The following PHLPP1 variants were observed in gnomAD, a reference collection of about 807,000 sequenced individuals.
PHLPP1 encodes the protein PH domain and leucine rich repeat protein phosphatase 1, also known as PH domain leucine-rich repeat-containing protein phosphatase 1.
Under a neutral mutation model 117.2 loss-of-function variants are expected in PHLPP1, and 42 were observed. That is an observed-to-expected ratio of 0.36 (90% CI 0.28 to 0.46). PHLPP1 has a LOEUF of 0.46. PHLPP1 is among the 20% of genes least tolerant of loss of function. The pLI is 1.00. For missense variants in PHLPP1, 2,084 were observed against 2,241.9 expected, an observed-to-expected ratio of 0.93 and a Z score of 1.42; for synonymous variants, 1,042 against 970.7, an observed-to-expected ratio of 1.07 and a Z score of -1.37.
chr18:62,972,738 G>C, intron 15 of PHLPP1, 30 bp downstream of exon 15: 1 of 1,511,062 alleles, frequency 6.6e-7, no homozygotes, highest in Non-Finnish European at 9.2e-7. Context: ...CTTACCTGCT[G>C]TGTGTTTTCT....
chr18:62,723,998 A>G (rs750354723), intron 1 of PHLPP1, among the ~76,000 whole-genome samples: 10 of 152,116 alleles, frequency 6.6e-5, no homozygotes, highest in East Asian at 1.9e-4. Context: ...AGACATGGCT[A>G]TGGGCTTAAA....
chr18:62,728,997 G>A (rs1376434673), intron 1 of PHLPP1, among the ~76,000 whole-genome samples: 1 of 152,122 alleles, frequency 6.6e-6, no homozygotes, highest in African/African-American at 2.4e-5. Context: ...ATAGAACTCT[G>A]TGATCCTGCG....
intron 4 of PHLPP1, among the ~76,000 whole-genome samples, chr18:62,884,710 T>C (rs1253339703): frequency 1.3e-5 from 2 of 152,258 alleles, no homozygotes; most frequent in African/African-American, 2.4e-5. Flanking sequence ...CGGAAATTTA[T>C]TTACCTAGGG....
intron 12 of PHLPP1, among the ~76,000 whole-genome samples, chr18:62,954,100 T>A (rs775219574): frequency 2.6e-5 from 4 of 152,230 alleles, no homozygotes; most frequent in Non-Finnish European, 5.9e-5. Context: ...TAAGATATAA[T>A]GACTTTTTTA....
Position 62,742,845 on chromosome 18 carries a change from A to G in PHLPP1, c.1576+25586A>G, listed in dbSNP as rs371197095. 1.6e-4 allele frequency among the ~76,000 whole-genome samples: 24 copies of G among 152,318 alleles called. No homozygotes were observed. In the East Asian group the frequency reaches 4.6e-3, roughly 29 times the overall value. On this transcript the variant is annotated intron_variant, in intron 1 of 16. Transcript: ENST00000262719. ...TTAGTACCTCTTATTGAATGAGTAT[A>G]TAAAATTCCCTGCTGTATATTCCAG...
intron 9 of PHLPP1, among the ~76,000 whole-genome samples, chr18:62,917,396 T>TGTGTG (rs1909321733): frequency 6.5e-4 from 92 of 141,490 alleles, no homozygotes; most frequent in South Asian, 1.8e-3. Context: ...ACAGTATTCT[T>TGTGTG]TGTGTGTGTG....
At chr18:62,752,999 A>G (rs745575987) in intron 1 of PHLPP1, among the ~76,000 whole-genome samples, 13 of 152,228 alleles carry the variant, frequency 8.5e-5, no homozygotes, top group Non-Finnish European at 1.8e-4. Flanking sequence ...TAAAAATTAT[A>G]AACAAAGAAA....
At chr18:62,840,294 G>T (rs112579819) in intron 3 of PHLPP1, among the ~76,000 whole-genome samples, 2 of 152,212 alleles carry the variant, frequency 1.3e-5, no homozygotes, top group South Asian at 2.1e-4. Context: ...AGAGAGTTTC[G>T]GTTGATAGGG....
intron 1 of PHLPP1, among the ~76,000 whole-genome samples, chr18:62,770,767 A>G (rs1912738378): frequency 6.6e-6 from 1 of 152,160 alleles, no homozygotes; most frequent in Non-Finnish European, 1.5e-5. Context: ...ATTTGCATAT[A>G]CATAATAAGA....
At chr18:62,762,441 T>C (rs1912279449) in intron 1 of PHLPP1, among the ~76,000 whole-genome samples, 1 of 146,308 alleles carries the variant, frequency 6.8e-6, no homozygotes, top group Admixed American at 6.8e-5. Context: ...TTTGAGAAGG[T>C]CTCACAGTTT....
chr18:62,848,352 A>G (rs1397221058), intron 3 of PHLPP1, among the ~76,000 whole-genome samples: 2 of 151,740 alleles, frequency 1.3e-5, no homozygotes, highest in Non-Finnish European at 2.9e-5. Context: ...AATAACTAAC[A>G]TTTTGGCAAC....
chr18:62,905,654 A>T (rs1916831360), intron 8 of PHLPP1, among the ~76,000 whole-genome samples: 1 of 152,052 alleles, frequency 6.6e-6, no homozygotes, highest in Non-Finnish European at 1.5e-5. Context: ...AAACTCTGCC[A>T]AGTCTTAGGA....
chr18:62,847,231 C>T (rs964076993), intron 3 of PHLPP1, among the ~76,000 whole-genome samples: 1 of 152,156 alleles, frequency 6.6e-6, no homozygotes, highest in African/African-American at 2.4e-5. Context: ...CTTTCTCCAG[C>T]TGTGTTGGAA....
intron 10 of PHLPP1, among the ~76,000 whole-genome samples, chr18:62,930,398 T>C (rs1909773058): frequency 6.6e-6 from 1 of 151,882 alleles, no homozygotes; most frequent in African/African-American, 2.4e-5. Context: ...ATCATGCAAA[T>C]AGAAAACAAA....
Position 62,973,684 on chromosome 18 carries a change from G to C in PHLPP1, c.3755+976G>C, listed in dbSNP as rs116570477. Among the ~76,000 whole-genome samples, 418 of 152,248 alleles carry C rather than the reference G, an allele frequency of 2.7e-3. 2 individuals carry two copies. The highest frequency in any genetic ancestry group is 9.8e-3 in the African/African-American group (407 of 41,534). ...AGGCAAGCCTGGGGTGGTTCTTGCT[G>C]CTACACTCACCCCTGACTTTCAGAT... is the stretch of plus-strand genomic sequence containing the variant. On this transcript the variant is annotated intron_variant, in intron 15 of 16. Transcript: ENST00000262719.
At chr18:62,882,969 A>G (rs1051480369) in intron 4 of PHLPP1, among the ~76,000 whole-genome samples, 1 of 151,550 alleles carries the variant, frequency 6.6e-6, no homozygotes, top group African/African-American at 2.4e-5. Flanking sequence ...AAAAGAAAAA[A>G]AGAAAGGATG....
chr18:62,737,118 G>C lies in PHLPP1; in HGVS notation c.1576+19859G>C, dbSNP rs942300390. Among the ~76,000 whole-genome samples, 56 of 152,184 alleles carry C rather than the reference G, an allele frequency of 3.7e-4. 1 individual carries two copies. Among genetic ancestry groups the C allele is most frequent in the African/African-American group, 1.3e-3 (55 of 41,454 alleles). Reference sequence around the variant, plus strand: ...AGTGCCAGGGGAATCCAGAAAGGCTGACATACCAGCTCCCTGGAAGTAGAA... The same window carrying C: ...AGTGCCAGGGGAATCCAGAAAGGCTCACATACCAGCTCCCTGGAAGTAGAA... On this transcript the variant is annotated intron_variant, in intron 1 of 16. Transcript: ENST00000262719.
chr18:62,735,085 C>T (rs998171830), intron 1 of PHLPP1, among the ~76,000 whole-genome samples: 4 of 148,342 alleles, frequency 2.7e-5, no homozygotes, highest in Non-Finnish European at 5.9e-5. Context: ...GGTACTGTTG[C>T]TTAGACGGGA....
At chr18:62,851,100 G>T (rs1284311256) in intron 3 of PHLPP1, among the ~76,000 whole-genome samples, 2 of 152,108 alleles carry the variant, frequency 1.3e-5, no homozygotes, top group Non-Finnish European at 2.9e-5. Context: ...TTCATAAAAG[G>T]CAAATAACAA....
Sources: allele counts gnomAD v4.1 joint callset (sites outside exome capture counted in the v4.1 genomes callset), GRCh38; gene constraint gnomAD v4.1.1; transcripts MANE v1.5; gene names NCBI Gene and HGNC (gene_info 2026-07-23, HGNC 2026-07-21).